Variants in USP25 observed in about 807,000 individuals in gnomAD.
USP25 encodes ubiquitin carboxyl-terminal hydrolase 25.
A neutral mutation model predicts 158.5 loss-of-function variants in USP25; 85 were observed. The ratio of observed to expected loss-of-function variants is 0.54; its 90% CI spans 0.45 to 0.64. The LOEUF is 0.64. Among genes scored for constraint, USP25 ranks in the 30% least tolerant of loss-of-function variants. The probability of loss-of-function intolerance (pLI) is 0.00; values close to 1 mark genes in which losing one functional copy is unlikely to be tolerated. For synonymous variants in USP25, 464 were observed against 460.4 expected (o/e 1.01, Z -0.10); for missense variants, 1,242 against 1,327.3 (o/e 0.94, Z 1.00).
chr21:15,862,936 A>C (rs1395667020), intron 20 of USP25, among the ~76,000 whole-genome samples: 1 of 152,004 alleles, frequency 6.6e-6, no homozygotes, highest in East Asian at 1.9e-4. Flanking sequence ...TGTACAATAC[A>C]ACCATATAGA....
intron 20 of USP25, among the ~76,000 whole-genome samples, chr21:15,855,807 C>T (rs2039108049): frequency 6.6e-6 from 1 of 152,176 alleles, no homozygotes; most frequent in Non-Finnish European, 1.5e-5. Flanking sequence ...CTTTTTTCCG[C>T]CTTCCCATCA....
intron 20 of USP25, among the ~76,000 whole-genome samples, chr21:15,851,344 G>A (rs1374558655): frequency 6.6e-6 from 1 of 151,934 alleles, no homozygotes; most frequent in African/African-American, 2.4e-5. Flanking sequence ...TATTTAATCT[G>A]TTTGGCATTA....
intron 23 of USP25, among the ~76,000 whole-genome samples, chr21:15,874,039 G>C (rs568697550): frequency 3.3e-5 from 5 of 152,028 alleles, no homozygotes; most frequent in African/African-American, 4.8e-5. Flanking sequence ...GTGACATTGC[G>C]TTAAACAATT....
intron 21 of USP25, 61 bp downstream of exon 21, chr21:15,864,507 C>G (rs1348681224): frequency 7.1e-7 from 1 of 1,410,912 alleles, no homozygotes; most frequent in African/African-American, 1.5e-5. Flanking sequence ...CCTGCAGATT[C>G]CCAGGATAAT....
At chr21:15,830,503 A>G (rs1253093385) in intron 14 of USP25, 28 bp from the exon 15 acceptor site, 2 of 1,569,256 alleles carry the variant, frequency 1.3e-6, no homozygotes, top group South Asian at 2.4e-5. Flanking sequence ...TTTGCTGTTA[A>G]TCATTAAATG....
At chr21:15,786,081 A>G (rs1289489046) in intron 4 of USP25, among the ~76,000 whole-genome samples, 1 of 152,128 alleles carries the variant, frequency 6.6e-6, no homozygotes, top group East Asian at 1.9e-4. Context: ...CACACAACCT[A>G]CCAAGATTAA....
At chr21:15,789,911 A>G (rs1349920412) in intron 4 of USP25, among the ~76,000 whole-genome samples, 1 of 152,050 alleles carries the variant, frequency 6.6e-6, no homozygotes. Context: ...TATACTGTGC[A>G]TTAACCTTTC....
chr21:15,828,052 A>G (rs989117669), intron 14 of USP25, among the ~76,000 whole-genome samples: 8 of 152,166 alleles, frequency 5.3e-5, no homozygotes, highest in Middle Eastern at 3.4e-3. Flanking sequence ...AAAATGAACT[A>G]TGTGACATGG....
chr21:15,791,819 C>T (rs182455543), intron 5 of USP25, among the ~76,000 whole-genome samples, 155 bp downstream of exon 5: 363 of 151,824 alleles, frequency 2.4e-3, no homozygotes, highest in African/African-American at 8.3e-3. Flanking sequence ...TTGAAGTATC[C>T]TCCCATCCCT....
At chr21:15,777,025 A>G (rs1336328302) in intron 3 of USP25, among the ~76,000 whole-genome samples, 1 of 152,230 alleles carries the variant, frequency 6.6e-6, no homozygotes, top group African/African-American at 2.4e-5. Flanking sequence ...CACTGTTGAA[A>G]TGATAATGGG....
In USP25 at chr21:15,808,867, T is replaced by C. The variant is rs1245220592; in HGVS notation, c.839T>C (p.Met280Thr). Reference protein sequence around the residue: ...LLDWLEDAFQMKAEEETDEEK... With the variant: ...LLDWLEDAFQTKAEEETDEEK... ...GATTGGTTAGAAGATGCCTTCCAAA[T>C]GAAAGCTGAAGAGGAGACGTAAGTT... Residue 280 changes from methionine (M) to threonine (T), a missense_variant, in exon 8 of 26, where the codon ATG becomes ACG. Physicochemically the swap from Met to Thr is moderately conservative, Grantham distance 81. This residue lies in a region of USP25 where 627 missense variants were observed against 701.4 expected (regional missense o/e 0.89). Transcript: ENST00000400183. The C allele has an allele frequency of 1.2e-6, 2 of 1,611,442 alleles. No individual in the cohort carries two copies. The highest frequency in any genetic ancestry group is 1.7e-6 in the Non-Finnish European group (2 of 1,179,300).
intron 3 of USP25, among the ~76,000 whole-genome samples, chr21:15,775,379 C>T (rs1026453287): frequency 1.3e-5 from 2 of 152,144 alleles, no homozygotes; most frequent in Admixed American, 1.3e-4. Flanking sequence ...ACTGGAAGGA[C>T]TGGAGGAAAG....
At chr21:15,731,527 A>G (rs868653926) in intron 1 of USP25, among the ~76,000 whole-genome samples, 21 of 152,188 alleles carry the variant, frequency 1.4e-4, no homozygotes, top group Non-Finnish European at 2.1e-4. Context: ...GGCTGTCTAC[A>G]TACAGCCTGC....
At chr21:15,839,851 A>G (rs1568874333) in intron 17 of USP25, among the ~76,000 whole-genome samples, 1 of 152,104 alleles carries the variant, frequency 6.6e-6, no homozygotes, top group Non-Finnish European at 1.5e-5. Flanking sequence ...TGGCATGTTC[A>G]TGAAGTATCC....
chr21:15,741,330 A>G (rs1033095285), intron 1 of USP25, among the ~76,000 whole-genome samples: 2 of 142,970 alleles, frequency 1.4e-5, no homozygotes. Flanking sequence ...ATATAATGTT[A>G]TGTGTACATT....
rs1045662165 is a variant in USP25, at chr21:15,730,346, G to T, written c.-48G>T. On this transcript the variant is annotated 5_prime_UTR_variant, in exon 1 of 26. Transcript: ENST00000400183. ...CGGCAGCCAGGGCCGGCGGAGGCGC[G>T]AGGAGCCGGGCGCCACCGCCGCCGC... 2.6e-6 allele frequency: 3 copies of T among 1,142,282 alleles called. No individual in the cohort carries two copies. Among genetic ancestry groups the T allele is most frequent in the Non-Finnish European group, 3.2e-6 (3 of 932,368 alleles). The allele number at this position is 1,142,282 out of a possible 1,614,324, so 70.8% of individuals were successfully genotyped here. A position where few individuals can be genotyped will look rare whatever the true frequency, so the allele number is the denominator to read the frequency against.
At chr21:15,873,508 C>CT (rs370405278) in intron 23 of USP25, among the ~76,000 whole-genome samples, 33 of 148,024 alleles carry the variant, frequency 2.2e-4, no homozygotes, top group East Asian at 1.2e-3. Flanking sequence ...TCTATCACTT[C>CT]TTTTTTTTTT....
intron 5 of USP25, among the ~76,000 whole-genome samples, chr21:15,795,424 C>T (rs532819360): frequency 3.3e-5 from 5 of 151,568 alleles, no homozygotes; most frequent in South Asian, 2.1e-4. Context: ...ATAATATATT[C>T]TGTATGCCCA....
chr21:15,809,469 C>G, intron 8 of USP25, among the ~76,000 whole-genome samples: 1 of 152,232 alleles, frequency 6.6e-6, no homozygotes, highest in Admixed American at 6.5e-5. Flanking sequence ...ACGAAACACC[C>G]CCCCCAACCC....
Sources: allele counts gnomAD v4.1 joint callset (sites outside exome capture counted in the v4.1 genomes callset), GRCh38; gene constraint gnomAD v4.1.1; regional missense constraint gnomAD v4.1.1; transcripts MANE v1.5; gene names NCBI Gene and HGNC (gene_info 2026-07-23, HGNC 2026-07-21).